The following KAZN variants were observed in gnomAD, a reference collection of about 807,000 sequenced individuals.
KAZN encodes kazrin, periplakin interacting protein, also known as kazrin.
A neutral mutation model predicts 87.4 loss-of-function variants in KAZN; 40 were observed. That is an observed-to-expected ratio of 0.46 (90% confidence interval 0.36 to 0.60). The LOEUF (loss-of-function observed/expected upper bound fraction) is 0.60, where lower values mean the gene tolerates loss of function less well. Ranked by LOEUF, KAZN falls within the 20% of genes least tolerant of loss-of-function variation. KAZN has a pLI of 0.00. For missense variants in KAZN, 898 were observed against 1,073.9 expected (o/e 0.84, Z 2.29); for synonymous variants, 466 against 458.3 (o/e 1.02, Z -0.22).
At chr1:14,907,012 G>A (rs142030935) in intron 1 of KAZN, among the ~76,000 whole-genome samples, 4 of 151,992 alleles carry the variant, frequency 2.6e-5, no homozygotes, top group Admixed American at 6.6e-5. Context: ...GCATGGTGGC[G>A]GGTACTCAAG....
intron 2 of KAZN, among the ~76,000 whole-genome samples, chr1:15,030,357 T>A (rs1671569631): frequency 6.6e-6 from 1 of 152,168 alleles, no homozygotes; most frequent in Admixed American, 6.5e-5. Context: ...AACCTCTGCC[T>A]CCAGGGTTCA....
intron 1 of KAZN, among the ~76,000 whole-genome samples, chr1:14,756,323 A>G (rs912307626): frequency 2.4e-4 from 36 of 151,812 alleles, no homozygotes; most frequent in African/African-American, 8.7e-4. Context: ...TGGATTCCTT[A>G]CTCTGAGACA....
At chr1:14,707,010 C>T (rs1235215257) in intron 1 of KAZN, among the ~76,000 whole-genome samples, 1 of 152,150 alleles carries the variant, frequency 6.6e-6, no homozygotes, top group Non-Finnish European at 1.5e-5. Flanking sequence ...CTCTTGTCTC[C>T]CGGAAACTTC....
chr1:14,277,385 G>A (rs1390019604), intron 2 of KAZN, among the ~76,000 whole-genome samples: 3 of 152,038 alleles, frequency 2.0e-5, no homozygotes, highest in Admixed American at 1.3e-4. Context: ...AACAGTAACG[G>A]CCAGGCGCAG....
chr1:14,170,185 A>C (rs1645923485), intron 1 of KAZN, among the ~76,000 whole-genome samples: 1 of 152,180 alleles, frequency 6.6e-6, no homozygotes, highest in South Asian at 2.1e-4. Context: ...TTCAGGCACC[A>C]CGTGGCTGGG....
intron 2 of KAZN, among the ~76,000 whole-genome samples, chr1:14,388,946 C>T (rs1175384107): frequency 6.6e-6 from 1 of 151,910 alleles, no homozygotes; most frequent in Non-Finnish European, 1.5e-5. Context: ...TTCAAACTAC[C>T]CATTTCACAA....
chr1:14,590,132 T>C (rs1207654040), intron 2 of KAZN, among the ~76,000 whole-genome samples: 1 of 151,968 alleles, frequency 6.6e-6, no homozygotes, highest in Admixed American at 6.6e-5. Context: ...AAAAACAACT[T>C]TTATAGAATA....
In KAZN at chr1:15,102,819, C is replaced by G. The variant is rs531707930; in HGVS notation, c.1780-540C>G. Among the ~76,000 whole-genome samples, 3 of 152,322 alleles carry G rather than the reference C, an allele frequency of 2.0e-5. No individual in the cohort carries two copies. In the South Asian group the frequency reaches 6.2e-4, roughly 32 times the overall value. On this transcript the variant is annotated intron_variant, in intron 11 of 14. Coordinates refer to ENST00000376030, the MANE Select transcript of KAZN (RefSeq NM_201628.3). ...GTGCCACTGTGTGGCTCTGGGCAGT[C>G]AGAGCTCCCTGTTAGTGGAGCGAGG...
At chr1:14,762,614 A>G (rs1644771795) in intron 1 of KAZN, among the ~76,000 whole-genome samples, 1 of 151,970 alleles carries the variant, frequency 6.6e-6, no homozygotes, top group Non-Finnish European at 1.5e-5. Context: ...AGTCCCAGCT[A>G]CTCGGGAGGC....
At chr1:14,751,009 C>A (rs986486203) in intron 1 of KAZN, among the ~76,000 whole-genome samples, 4 of 152,172 alleles carry the variant, frequency 2.6e-5, no homozygotes, top group Non-Finnish European at 5.9e-5. Context: ...TCCCTTGTTA[C>A]GTGGCGACGT....
chr1:14,726,074 G>A (rs1470509382), intron 1 of KAZN, among the ~76,000 whole-genome samples: 2 of 152,212 alleles, frequency 1.3e-5, no homozygotes, highest in Non-Finnish European at 2.9e-5. Context: ...TCAGAGGTTG[G>A]GGAGGAGTCC....
intron 1 of KAZN, among the ~76,000 whole-genome samples, chr1:14,155,782 TG>T (rs1321101975): frequency 6.6e-6 from 1 of 152,126 alleles, no homozygotes; most frequent in Non-Finnish European, 1.5e-5. Context: ...CCTGAGTATC[TG>T]GGATTACAGA....
intron 1 of KAZN, among the ~76,000 whole-genome samples, chr1:14,175,377 T>A (rs936828307): frequency 1.3e-5 from 2 of 152,198 alleles, no homozygotes; most frequent in African/African-American, 4.8e-5. Context: ...TGCTGGGATT[T>A]CAGGCGTGAG....
chr1:15,047,695 C>G (rs1203636648), intron 4 of KAZN, among the ~76,000 whole-genome samples: 1 of 152,096 alleles, frequency 6.6e-6, no homozygotes, highest in Non-Finnish European at 1.5e-5. Context: ...CGCTTGAACC[C>G]AGAAGGCAGA....
intron 1 of KAZN, among the ~76,000 whole-genome samples, chr1:14,723,654 C>T (rs1331036552): frequency 6.6e-6 from 1 of 152,248 alleles, no homozygotes; most frequent in Non-Finnish European, 1.5e-5. Flanking sequence ...CTCTCTCCTG[C>T]ATTCGTCTCC....
chr1:14,336,012 A>G (rs1657241501), intron 2 of KAZN, among the ~76,000 whole-genome samples: 1 of 152,228 alleles, frequency 6.6e-6, no homozygotes, highest in Non-Finnish European at 1.5e-5. Context: ...CCACGGAAGT[A>G]GCAGCAGAGG....
At chr1:14,816,451 T>C (rs914502840) in intron 1 of KAZN, among the ~76,000 whole-genome samples, 3 of 152,162 alleles carry the variant, frequency 2.0e-5, no homozygotes, top group African/African-American at 7.2e-5. Flanking sequence ...TGGCATTTTG[T>C]TGACTGTCAC....
intron 1 of KAZN, among the ~76,000 whole-genome samples, chr1:14,935,527 G>A (rs569251415): frequency 3.3e-5 from 5 of 152,120 alleles, no homozygotes; most frequent in Non-Finnish European, 5.9e-5. Context: ...TGTCCACTCC[G>A]GACCTACAGA....
chr1:14,540,178 C>T (rs1007344398), intron 2 of KAZN, among the ~76,000 whole-genome samples: 1 of 152,174 alleles, frequency 6.6e-6, no homozygotes, highest in African/African-American at 2.4e-5. Flanking sequence ...ATCAACGTTT[C>T]GCATCAGTGC....
Sources: allele counts gnomAD v4.1 joint callset (sites outside exome capture counted in the v4.1 genomes callset), GRCh38; gene constraint gnomAD v4.1.1; transcripts MANE v1.5; gene names NCBI Gene and HGNC (gene_info 2026-07-23, HGNC 2026-07-21).